The following OSBP2 variants were observed in gnomAD, a reference collection of about 807,000 sequenced individuals.
The protein encoded by OSBP2 is oxysterol-binding protein 2.
In OSBP2, 66 loss-of-function variants were observed where a neutral mutation model predicts 96.0. That is an observed-to-expected ratio of 0.69 (90% CI 0.56 to 0.84). OSBP2 has a LOEUF of 0.84. OSBP2 is among the 40% of genes least tolerant of loss of function. The pLI, the probability that OSBP2 is intolerant of heterozygous loss-of-function variation, is 0.00. For synonymous variants in OSBP2, 525 were observed against 520.9 expected, an observed-to-expected ratio of 1.01 and a Z score of -0.11; for missense variants, 1,038 against 1,222.7, an observed-to-expected ratio of 0.85 and a Z score of 2.25.
At position 30,880,442 on chromosome 22, in the gene OSBP2, G is replaced by A. The variant is rs555855181; in HGVS notation, c.1108-6984G>A. 1.4e-4 allele frequency among the ~76,000 whole-genome samples: 22 copies of A among 152,316 alleles called. 1 individual carries two copies. The South Asian group carries it at 2.5e-3, about 17-fold the overall frequency. The stretch of plus-strand genomic sequence containing the variant: ...CTGGGACCTCCTGTGTGTGCTAATG[G>A]CTGGAGCCAGTTTCCTAGCCTGGAC... On this transcript the variant is annotated intron_variant, in intron 3 of 13. Coordinates refer to ENST00000332585, the MANE Select transcript of OSBP2 (RefSeq NM_030758.4).
chr22:30,854,788 T>A (rs1326201803), intron 2 of OSBP2, among the ~76,000 whole-genome samples: 1 of 152,234 alleles, frequency 6.6e-6, no homozygotes, highest in East Asian at 1.9e-4. Flanking sequence ...TGTACTTGTC[T>A]GTTCTCACGC....
chr22:30,753,009 G>C (rs898748490), intron 2 of OSBP2, among the ~76,000 whole-genome samples: 1 of 152,140 alleles, frequency 6.6e-6, no homozygotes, highest in Admixed American at 6.6e-5. Context: ...CATGACCCTA[G>C]CTACTTTTTT....
intron 1 of OSBP2, among the ~76,000 whole-genome samples, chr22:30,709,639 C>T (rs1390384494): frequency 6.6e-6 from 1 of 151,986 alleles, no homozygotes; most frequent in Non-Finnish European, 1.5e-5. Context: ...CCTCAGCCTC[C>T]TGAAGTGCTG....
At chr22:30,835,787 G>A (rs2038618364) in intron 2 of OSBP2, among the ~76,000 whole-genome samples, 1 of 150,518 alleles carries the variant, frequency 6.6e-6, no homozygotes, top group Admixed American at 6.6e-5. Flanking sequence ...CATGATCACG[G>A]CTCATTGCAG....
At chr22:30,891,736 C>A (rs2039953203) in intron 8 of OSBP2, among the ~76,000 whole-genome samples, 1 of 151,966 alleles carries the variant, frequency 6.6e-6, no homozygotes, top group Admixed American at 6.6e-5. Flanking sequence ...GGGTGGGGGG[C>A]AGTCAGGGTG....
At chr22:30,864,653 C>T (rs2039292800) in intron 2 of OSBP2, among the ~76,000 whole-genome samples, 1 of 152,092 alleles carries the variant, frequency 6.6e-6, no homozygotes. Context: ...GGCCCCTGCT[C>T]TTGCCACTCC....
rs929254962 is a variant in OSBP2 at position 30,905,978 on chromosome 22, C to CGAGAAGCAGCGGCTGGAG, written c.2529_2546dup (p.Glu845_Leu850dup). The CGAGAAGCAGCGGCTGGAG allele has an allele frequency of 4.4e-6, 7 of 1,604,724 alleles. No individual in the cohort carries two copies. Among genetic ancestry groups the CGAGAAGCAGCGGCTGGAG allele is most frequent in the Middle Eastern group, 1.7e-4 (1 of 6,042 alleles). On this transcript the variant is annotated inframe_insertion, in exon 13 of 14. Coordinates refer to ENST00000332585, the MANE Select transcript of OSBP2 (RefSeq NM_030758.4). ...AGGGCCGTTGGGACGAGGCCAATACCGAGAAGCAGCGGCTGGAGGAGAAGC... is the reference window on the plus strand; with the variant it reads ...AGGGCCGTTGGGACGAGGCCAATACCGAGAAGCAGCGGCTGGAGGAGAAGCAGCGGCTGGAGGAGAAGC...
At chr22:30,898,190 T>A (rs1335621274) in intron 12 of OSBP2, among the ~76,000 whole-genome samples, 1 of 151,906 alleles carries the variant, frequency 6.6e-6, no homozygotes, top group East Asian at 1.9e-4. Flanking sequence ...AAAAAAAATT[T>A]TTTTTTTCTT....
intron 3 of OSBP2, among the ~76,000 whole-genome samples, chr22:30,874,840 A>G (rs1602397135): frequency 6.6e-6 from 1 of 152,046 alleles, no homozygotes; most frequent in Non-Finnish European, 1.5e-5. Flanking sequence ...CAGGGACATC[A>G]CCATGGCTTT....
At chr22:30,794,284 C>T (rs1340809545) in intron 2 of OSBP2, among the ~76,000 whole-genome samples, 15 of 134,368 alleles carry the variant, frequency 1.1e-4, no homozygotes, top group East Asian at 2.2e-4. Context: ...TTTTTTGAGA[C>T]GGAGTCTCAC....
chr22:30,694,433 C>A, upstream of OSBP2: 2 of 1,404,962 alleles, frequency 1.4e-6, no homozygotes, highest in Non-Finnish European at 1.9e-6. Context: ...GGGTGCCGTA[C>A]CTGCTTCCCA....
intron 2 of OSBP2, among the ~76,000 whole-genome samples, chr22:30,785,825 A>G (rs970650830): frequency 2.0e-5 from 3 of 152,034 alleles, no homozygotes; most frequent in East Asian, 1.9e-4. Context: ...GCACTTCCCT[A>G]TGCTCCTGCT....
At chr22:30,844,647 G>T (rs1387411699) in intron 2 of OSBP2, 1 of 152,092 alleles carries the variant, frequency 6.6e-6, no homozygotes, top group Non-Finnish European at 1.5e-5. Context: ...TGGCTGGTTT[G>T]ATCCTCTATC....
chr22:30,794,319 T>C (rs2090723973), intron 2 of OSBP2, among the ~76,000 whole-genome samples: 1 of 150,668 alleles, frequency 6.6e-6, no homozygotes, highest in African/African-American at 2.4e-5. Context: ...TGGGGTGCAG[T>C]GGCACGATCT....
At chr22:30,716,475 T>C (rs1265151948) in intron 1 of OSBP2, among the ~76,000 whole-genome samples, 1 of 152,098 alleles carries the variant, frequency 6.6e-6, no homozygotes, top group African/African-American at 2.4e-5. Context: ...TCTCACATGG[T>C]TGCCCGGGCT....
At chr22:30,853,880 T>C (rs1188437501) in intron 2 of OSBP2, among the ~76,000 whole-genome samples, 1 of 151,858 alleles carries the variant, frequency 6.6e-6, no homozygotes, top group Non-Finnish European at 1.5e-5. Flanking sequence ...CCGCCTCAGC[T>C]TCCTGAGTAG....
chr22:30,751,650 C>G (rs1602214826), intron 2 of OSBP2, among the ~76,000 whole-genome samples: 5 of 152,276 alleles, frequency 3.3e-5, no homozygotes. Context: ...CCACTGCGCC[C>G]AGCCCTCTTC....
intron 2 of OSBP2, among the ~76,000 whole-genome samples, chr22:30,806,008 C>A (rs2090923478): frequency 6.6e-6 from 1 of 152,234 alleles, no homozygotes; most frequent in South Asian, 2.1e-4. Context: ...TCTCTTCCTT[C>A]TTCTGTCCTG....
At chr22:30,752,288 CTTTTTTTTTTTTTT>C (rs10691256) in intron 2 of OSBP2, among the ~76,000 whole-genome samples, 6 of 48,654 alleles carry the variant, frequency 1.2e-4, no homozygotes, top group African/African-American at 3.4e-4. Flanking sequence ...CTTTGCTTTG[CTTTTTTTTTTTTTT>C]TTTTTTTTTT....
Sources: allele counts gnomAD v4.1 joint callset (sites outside exome capture counted in the v4.1 genomes callset), GRCh38; gene constraint gnomAD v4.1.1; transcripts MANE v1.5; gene names NCBI Gene and HGNC (gene_info 2026-07-23, HGNC 2026-07-21).